The following CSMD1 variants were observed in gnomAD, a reference collection of about 807,000 sequenced individuals.
CSMD1 encodes CUB and Sushi multiple domains 1, also known as CUB and sushi domain-containing protein 1.
In CSMD1, 213 loss-of-function variants were observed where a neutral mutation model predicts 417.5. That is an observed-to-expected ratio of 0.51 (90% CI 0.46 to 0.57). The LOEUF (loss-of-function observed/expected upper bound fraction) is 0.57. Ranked by LOEUF, CSMD1 falls within the 20% of genes least tolerant of loss-of-function variation. The pLI, the probability that CSMD1 is intolerant of heterozygous loss-of-function variation, is 0.00. For missense variants in CSMD1, 6,923 were observed against 4,529.7 expected, an observed-to-expected ratio of 1.53 and a Z score of -15.17; for synonymous variants, 2,862 against 1,736.8, an observed-to-expected ratio of 1.65 and a Z score of -16.11.
chr8:3,476,532 T>A (rs1817434915), intron 11 of CSMD1, among the ~76,000 whole-genome samples: 1 of 152,146 alleles, frequency 6.6e-6, no homozygotes, highest in Non-Finnish European at 1.5e-5. Flanking sequence ...AGAATGGCGG[T>A]ACCACTTGGC....
At chr8:3,534,851 T>G (rs1189707130) in intron 10 of CSMD1, among the ~76,000 whole-genome samples, 2 of 152,222 alleles carry the variant, frequency 1.3e-5, no homozygotes, top group African/African-American at 4.8e-5. Flanking sequence ...CTCTTTTGCC[T>G]AGATGTATTC....
chr8:3,245,173 G>A (rs1443390728), intron 26 of CSMD1, among the ~76,000 whole-genome samples: 1 of 152,168 alleles, frequency 6.6e-6, no homozygotes, highest in Non-Finnish European at 1.5e-5. Flanking sequence ...CTCTGTAAAT[G>A]GCACTCCTGT....
intron 2 of CSMD1, among the ~76,000 whole-genome samples, chr8:4,527,668 G>C (rs1258292705): frequency 6.6e-6 from 1 of 152,146 alleles, no homozygotes; most frequent in Non-Finnish European, 1.5e-5. Context: ...AAAGTACATA[G>C]CAGAGAGTGG....
intron 5 of CSMD1, among the ~76,000 whole-genome samples, chr8:3,826,488 G>A (rs536397693): frequency 5.1e-4 from 78 of 152,134 alleles, no homozygotes; most frequent in African/African-American, 1.6e-3. Flanking sequence ...CTAGGCAGGG[G>A]GACCATGAAA....
chr8:3,127,479 T>C (rs372024630), intron 41 of CSMD1: 8 of 152,348 alleles, frequency 5.3e-5, no homozygotes, highest in African/African-American at 9.6e-5. Flanking sequence ...CAGATGTTCA[T>C]TGTGCCTGGA....
chr8:4,260,679 G>A (rs1289877136), intron 3 of CSMD1, among the ~76,000 whole-genome samples: 1 of 152,064 alleles, frequency 6.6e-6, no homozygotes, highest in African/African-American at 2.4e-5. Context: ...TTTTGCGAGA[G>A]GTTAATCCAA....
At chr8:3,494,463 G>T (rs1315766575) in intron 10 of CSMD1, among the ~76,000 whole-genome samples, 1 of 152,132 alleles carries the variant, frequency 6.6e-6, no homozygotes, top group African/African-American at 2.4e-5. Flanking sequence ...AAAAAGGAAA[G>T]AAGATAAATA....
At chr8:3,635,486 T>C (rs1177167770) in intron 7 of CSMD1, among the ~76,000 whole-genome samples, 19 of 147,192 alleles carry the variant, frequency 1.3e-4, no homozygotes, top group African/African-American at 3.5e-4. Flanking sequence ...TCCATCTCTT[T>C]TTTTTTTTTT....
At chr8:3,551,134 T>C (rs1798892057) in intron 10 of CSMD1, among the ~76,000 whole-genome samples, 1 of 152,208 alleles carries the variant, frequency 6.6e-6, no homozygotes, top group Non-Finnish European at 1.5e-5. Context: ...TTCAGTTTTC[T>C]TATCTTTAAA....
At chr8:4,325,868 A>T (rs530004523) in intron 3 of CSMD1, among the ~76,000 whole-genome samples, 1 of 152,234 alleles carries the variant, frequency 6.6e-6, no homozygotes, top group East Asian at 1.9e-4. Context: ...TGGAATTGAG[A>T]GTTCCGTTCT....
intron 1 of CSMD1, among the ~76,000 whole-genome samples, chr8:4,750,468 C>G (rs1467146042): frequency 6.6e-6 from 1 of 152,096 alleles, no homozygotes; most frequent in Non-Finnish European, 1.5e-5. Flanking sequence ...ATCTAAAACT[C>G]TTATGGGCAA....
chr8:4,014,789 C>G (rs1170238241), intron 4 of CSMD1, among the ~76,000 whole-genome samples: 1 of 152,098 alleles, frequency 6.6e-6, no homozygotes, highest in Non-Finnish European at 1.5e-5. Flanking sequence ...CATTCTGGCA[C>G]TAGACACATT....
At chr8:3,754,217 C>T (rs1797528851) in intron 5 of CSMD1, among the ~76,000 whole-genome samples, 175 bp from the exon 6 acceptor site, 1 of 152,092 alleles carries the variant, frequency 6.6e-6, no homozygotes, top group Non-Finnish European at 1.5e-5. Context: ...TTTATCTTTG[C>T]CCAAACATAA....
intron 3 of CSMD1, among the ~76,000 whole-genome samples, chr8:4,072,167 C>T (rs1370521992): frequency 6.6e-6 from 1 of 152,310 alleles, no homozygotes; most frequent in Middle Eastern, 3.4e-3. Flanking sequence ...CTTTCTAGTG[C>T]TACTAGTTTC....
chr8:4,666,319 G>A (rs1804928819), intron 1 of CSMD1, among the ~76,000 whole-genome samples: 1 of 152,148 alleles, frequency 6.6e-6, no homozygotes, highest in African/African-American at 2.4e-5. Context: ...AGCCAGATGG[G>A]CCCAATATAA....
intron 3 of CSMD1, among the ~76,000 whole-genome samples, chr8:4,114,225 G>C (rs2130919861): frequency 1.3e-5 from 2 of 152,294 alleles, no homozygotes; most frequent in Middle Eastern, 6.8e-3. Flanking sequence ...GGAAACCAAT[G>C]TTTGTTTAAC....
intron 37 of CSMD1, among the ~76,000 whole-genome samples, 182 bp downstream of exon 37, chr8:3,180,928 G>C (rs1821282153): frequency 6.6e-6 from 1 of 152,134 alleles, no homozygotes; most frequent in Non-Finnish European, 1.5e-5. Flanking sequence ...ATAGGCATGA[G>C]TCACCGCAAC....
intron 26 of CSMD1, among the ~76,000 whole-genome samples, chr8:3,239,157 G>A (rs933329290): frequency 6.6e-6 from 1 of 152,126 alleles, no homozygotes; most frequent in African/African-American, 2.4e-5. Flanking sequence ...GGCTGAGCTT[G>A]GTAAGGTTTT....
intron 5 of CSMD1, among the ~76,000 whole-genome samples, chr8:3,864,845 C>A (rs1414041634): frequency 1.3e-5 from 2 of 152,134 alleles, no homozygotes; most frequent in Non-Finnish European, 2.9e-5. Context: ...TAGACATTTT[C>A]CTAGTTTTGG....
Sources: gnomAD v4.1 joint callset for allele counts (sites outside exome capture counted in the v4.1 genomes callset) on GRCh38, gnomAD v4.1.1 for gene constraint, MANE v1.5 for transcripts, NCBI Gene and HGNC (gene_info 2026-07-23, HGNC 2026-07-21) for gene names.